GK5: variants seen among roughly 807,000 people sequenced by gnomAD.
The protein encoded by GK5 is glycerol kinase 5.
In GK5, 39 loss-of-function variants were observed where a neutral mutation model predicts 77.3. The observed-to-expected ratio is 0.50, with a 90% CI of 0.39 to 0.66. GK5 has a LOEUF of 0.66. Ranked by LOEUF, GK5 falls within the 30% of genes least tolerant of loss-of-function variation. GK5 has a pLI of 0.00. For missense variants in GK5, 487 were observed against 633.8 expected, an observed-to-expected ratio of 0.77 and a Z score of 2.49; for synonymous variants, 211 against 208.0, an observed-to-expected ratio of 1.01 and a Z score of -0.13.
chr3:142,221,879 G>T (rs934032800), intron 1 of GK5, among the ~76,000 whole-genome samples: 1 of 151,982 alleles, frequency 6.6e-6, no homozygotes, highest in Non-Finnish European at 1.5e-5. Flanking sequence ...AAAAATAAAG[G>T]CCACAAGAAG....
intron 3 of GK5, 111 bp from the exon 4 acceptor site, chr3:142,204,899 AT>A: frequency 1.6e-6 from 1 of 629,766 alleles, no homozygotes. Flanking sequence ...GCAAAGTATA[AT>A]TTAGTTACAT....
intron 4 of GK5, among the ~76,000 whole-genome samples, chr3:142,202,391 A>T (rs992465775): frequency 6.6e-6 from 1 of 152,156 alleles, no homozygotes; most frequent in African/African-American, 2.4e-5. Context: ...AACTAATGAC[A>T]TTGGTGCCAG....
chr3:142,191,764 G>A (rs921236417), intron 5 of GK5, among the ~76,000 whole-genome samples: 3 of 152,180 alleles, frequency 2.0e-5, no homozygotes, highest in African/African-American at 7.2e-5. Context: ...AGAGGTTGCA[G>A]TGAGCCGAGA....
chr3:142,218,988 A>T (rs1179115965), intron 1 of GK5, among the ~76,000 whole-genome samples: 1 of 152,220 alleles, frequency 6.6e-6, no homozygotes, highest in Non-Finnish European at 1.5e-5. Context: ...ATGTACATGA[A>T]GTTAGATATT....
chr3:142,175,834 TATTATTATTATATAATATATATA>T (rs1221926097), intron 12 of GK5, among the ~76,000 whole-genome samples: 1 of 148,010 alleles, frequency 6.8e-6, no homozygotes, highest in Non-Finnish European at 1.5e-5. Context: ...TACTTTATAT[TATTATTATTATATAATATATATA>T]ATTATTATAT....
intron 12 of GK5, chr3:142,173,267 A>G: frequency 2.5e-6 from 1 of 401,492 alleles, no homozygotes; most frequent in South Asian, 1.9e-5. Context: ...CTAATATCAG[A>G]AATAATCCAG....
At chr3:142,210,962 C>T (rs1248672549) in intron 3 of GK5, among the ~76,000 whole-genome samples, 4 of 148,526 alleles carry the variant, frequency 2.7e-5, no homozygotes, top group East Asian at 3.8e-4. Flanking sequence ...CCCAGATTAG[C>T]GTTGGTCCTG....
intron 15 of GK5, among the ~76,000 whole-genome samples, chr3:142,168,620 G>C (rs1463649151): frequency 6.6e-6 from 1 of 151,814 alleles, no homozygotes; most frequent in Non-Finnish European, 1.5e-5. Flanking sequence ...GCTTTCTAGG[G>C]GGCCCTTTAA....
At chr3:142,181,427 C>G (rs777661744) in intron 11 of GK5, 34 bp downstream of exon 11, 4 of 1,315,862 alleles carry the variant, frequency 3.0e-6, no homozygotes, top group Non-Finnish European at 4.3e-6. Context: ...TTCTTTAGGT[C>G]TGGCTTGTGA....
Position 142,165,579 on chromosome 3 carries a change from C to A in GK5, c.*43G>T. Reference sequence around the variant, plus strand: ...CCTGAGCTTCATCTCATCTGCACGTCACATAAACCAGCTACCTATGGTTTT... The same window carrying A: ...CCTGAGCTTCATCTCATCTGCACGTAACATAAACCAGCTACCTATGGTTTT... On this transcript the variant is annotated 3_prime_UTR_variant, in exon 16 of 16. Coordinates refer to ENST00000392993, the MANE Select transcript of GK5 (RefSeq NM_001039547.3). 6.7e-7 allele frequency: 1 copy of A among 1,503,068 alleles called. No homozygotes were observed. The highest frequency in any genetic ancestry group is 1.3e-5 in the South Asian group (1 of 76,978). The allele number at this position is 1,503,068 out of a possible 1,614,324, so 93.1% of individuals were successfully genotyped here.
At position 142,206,733 on chromosome 3, in the gene GK5, G is replaced by A. The variant is rs780513268; in HGVS notation, c.318-1945C>T. On this transcript the variant is annotated intron_variant, in intron 3 of 15. Coordinates refer to ENST00000392993, the MANE Select transcript of GK5 (RefSeq NM_001039547.3). ...TTCTCCCATTCCATGACTTGTTTTA[G>A]ACAGTATCTCTGAGGGATTATCTAA... Among the ~76,000 whole-genome samples, 31 of 152,284 alleles carry A rather than the reference G, an allele frequency of 2.0e-4. 1 individual carries two copies. The highest frequency in any genetic ancestry group is 3.4e-3 in the Middle Eastern group (1 of 294).
Position 142,173,968 on chromosome 3 carries a change from G to A in GK5, c.1144-1512C>T, listed in dbSNP as rs527920311. Among the ~76,000 whole-genome samples, 9 of 152,082 alleles carry A rather than the reference G, an allele frequency of 5.9e-5. No homozygotes were observed. The South Asian group carries it at 1.9e-3, about 32-fold the overall frequency. On this transcript the variant is annotated intron_variant, in intron 12 of 15. Transcript: ENST00000392993. Reference sequence around the variant, plus strand: ...TTACTCCCTTCCAAATCTTGGTTTGGCTTCCTCAGGGAAAACTCTGGACCC... The same window carrying A: ...TTACTCCCTTCCAAATCTTGGTTTGACTTCCTCAGGGAAAACTCTGGACCC...
chr3:142,172,429 C>G lies in GK5; in HGVS notation c.1171G>C (p.Ala391Pro). 1 of 1,602,216 alleles carries G rather than the reference C, an allele frequency of 6.2e-7. No individual in the cohort carries two copies. Among genetic ancestry groups the G allele is most frequent in the Non-Finnish European group, 8.5e-7 (1 of 1,171,630 alleles). Residue 391 changes from alanine (A) to proline (P), a missense_variant, in exon 13 of 16, where the codon GCC becomes CCC. Coordinates refer to ENST00000392993, the MANE Select transcript of GK5 (RefSeq NM_001039547.3). ...QAPLNDPWAC[A>P]SFMGLKPSTS... ...GAAGGCTTCAAACCCATAAAAGAGG[C>G]ACATGCCCAGGGGTCATTTAATGGA... is the stretch of plus-strand genomic sequence containing the variant.
chr3:142,158,487 A>G lies in GK5; in HGVS notation c.*7135T>C, dbSNP rs1362622381. ...AAGTAGACAAAAAGGGAAGGGAAAA[A>G]TTCATATGCAGATGAAAAATATTCT... On this transcript the variant is annotated 3_prime_UTR_variant, in exon 16 of 16. Coordinates refer to ENST00000392993, the MANE Select transcript of GK5 (RefSeq NM_001039547.3). 1 of 152,616 alleles carries G rather than the reference A, an allele frequency of 6.6e-6. No homozygotes were observed. The highest frequency in any genetic ancestry group is 1.5e-5 in the Non-Finnish European group (1 of 68,036). 9.5% of individuals were successfully genotyped at this position (152,616 alleles called of 1,614,324 possible). A position where few individuals can be genotyped will look rare whatever the true frequency, so the allele number is the denominator to read the frequency against.
At chr3:142,187,389 A>G (rs1229512115) in intron 6 of GK5, among the ~76,000 whole-genome samples, 2 of 151,978 alleles carry the variant, frequency 1.3e-5, no homozygotes, top group African/African-American at 4.8e-5. Context: ...GGATTGCTTG[A>G]GTCCAGGAGT....
chr3:142,187,604 CAAAA>C (rs57206350), intron 6 of GK5, 96 bp downstream of exon 6: 1,347 of 654,056 alleles, frequency 2.1e-3, no homozygotes, highest in Admixed American at 3.3e-3. Context: ...GACCCTAGCT[CAAAA>C]AAAAAAAAAA....
intron 15 of GK5, among the ~76,000 whole-genome samples, chr3:142,168,345 GGATT>G (rs555942080): frequency 7.8e-4 from 118 of 152,134 alleles, no homozygotes; most frequent in Middle Eastern, 3.4e-3. Context: ...TTTGCAAATG[GGATT>G]GATTAAGGGA....
Position 142,212,968 on chromosome 3 carries a change from G to A in GK5, c.317+558C>T, listed in dbSNP as rs566736914. Among the ~76,000 whole-genome samples, 767 of 151,550 alleles carry A rather than the reference G, an allele frequency of 5.1e-3. 7 individuals are homozygous for A. The highest frequency in any genetic ancestry group is 0.024 in the Middle Eastern group (7 of 292). The stretch of plus-strand genomic sequence containing the variant: ...TCCTGCCTCAGCCTCCCGAGTAGCT[G>A]GGACTACAGGCGCTCGCCACCTCGC... On this transcript the variant is annotated intron_variant, in intron 3 of 15. Transcript: ENST00000392993.
intron 3 of GK5, among the ~76,000 whole-genome samples, chr3:142,213,126 T>A (rs7633135): frequency 6.6e-6 from 1 of 151,972 alleles, no homozygotes; most frequent in Admixed American, 6.5e-5. Context: ...GAGCCACCGC[T>A]CCTGGCCGCT....
Sources: gnomAD v4.1 joint callset for allele counts (sites outside exome capture counted in the v4.1 genomes callset) on GRCh38, gnomAD v4.1.1 for gene constraint, MANE v1.5 for transcripts, NCBI Gene and HGNC (gene_info 2026-07-23, HGNC 2026-07-21) for gene names.